Variants in EDDM13 observed in about 807,000 individuals in gnomAD.
EDDM13 encodes the protein epididymal protein 13.
Under a neutral mutation model 17.8 loss-of-function variants are expected in EDDM13, and 24 were observed. The observed-to-expected ratio is 1.35, with a 90% CI of 0.98 to 1.90. EDDM13 has a LOEUF of 1.90. EDDM13 is among the 40% of genes most tolerant of loss of function. The pLI is 0.00. For synonymous variants in EDDM13, 31 were observed against 37.5 expected (o/e 0.83, Z 0.63); for missense variants, 97 against 100.8 (o/e 0.96, Z 0.16).
intron 9 of EDDM13, chr19:56,295,232 G>C (rs1453433746): frequency 6.6e-6 from 1 of 152,118 alleles, no homozygotes; most frequent in African/African-American, 2.4e-5. Flanking sequence ...AAACAACAAC[G>C]GGTGGTGGGA....
chr19:56,288,700 C>A (rs1487471510), intron 7 of EDDM13, among the ~76,000 whole-genome samples, 174 bp from the exon 8 acceptor site: 1 of 152,144 alleles, frequency 6.6e-6, no homozygotes, highest in Non-Finnish European at 1.5e-5. Context: ...TGTCTTCACC[C>A]GTAAAATGAG....
chr19:56,275,192 G>T (rs1190732345), intron 1 of EDDM13, among the ~76,000 whole-genome samples: 2 of 152,098 alleles, frequency 1.3e-5, no homozygotes, highest in Admixed American at 6.5e-5. Flanking sequence ...AATACGCTGG[G>T]GGAGAAATTT....
intron 1 of EDDM13, among the ~76,000 whole-genome samples, chr19:56,273,959 C>T (rs181876173): frequency 6.6e-6 from 1 of 152,190 alleles, no homozygotes; most frequent in African/African-American, 2.4e-5. Flanking sequence ...GGGGCAAACA[C>T]ACAAGTTAGA....
intron 2 of EDDM13, among the ~76,000 whole-genome samples, chr19:56,277,597 C>T (rs775379998): frequency 6.6e-6 from 1 of 152,034 alleles, no homozygotes; most frequent in Admixed American, 6.6e-5. Flanking sequence ...GTGATTAAAG[C>T]CTCTAAAACT....
intron 13 of EDDM13, among the ~76,000 whole-genome samples, chr19:56,302,655 CTCCCTGTT>C (rs2040416986): frequency 6.9e-5 from 9 of 131,240 alleles, no homozygotes; most frequent in South Asian, 2.9e-4. Flanking sequence ...TCTTCCCCCC[CTCCCTGTT>C]CTTTCCTTCC....
intron 11 of EDDM13, 60 bp from the exon 12 acceptor site, chr19:56,297,445 T>G (rs928661969): frequency 2.7e-6 from 2 of 741,424 alleles, no homozygotes; most frequent in Admixed American, 6.3e-5. Flanking sequence ...CTCCCTTTCT[T>G]CCTTTCCTCT....
rs181287879 is a variant in EDDM13, at chr19:56,296,340, G to A, written c.246G>A (p.Leu82=). The A allele has an allele frequency of 1.3e-5, 2 of 152,322 alleles. No homozygotes were observed. Among genetic ancestry groups the A allele is most frequent in the East Asian group, 3.9e-4 (2 of 5,172 alleles). 9.4% of individuals were successfully genotyped at this position (152,322 alleles called of 1,614,324 possible). A position where few individuals can be genotyped will look rare whatever the true frequency, so the allele number is the denominator to read the frequency against. The stretch of plus-strand genomic sequence containing the variant: ...GTATGCCCCTGTCCTCCTTAGGCTT[G>A]CTGAGCCTCCAAGTACTGCATGGTA... ...TEEEIKKILG[L]LSLQVLHEET... is the part of the protein sequence containing the mutation. The change falls in exon 11 of 15, where the codon TTG becomes TTA. Residue 82 remains leucine (L), a synonymous_variant. Transcript: ENST00000649256.
intron 13 of EDDM13, among the ~76,000 whole-genome samples, chr19:56,302,621 C>CCCCGTT (rs2040407172): frequency 1.6e-5 from 2 of 125,568 alleles, no homozygotes; most frequent in South Asian, 3.1e-4. Context: ...CCCTCTTCCT[C>CCCCGTT]CCTCCCTCCT....
At chr19:56,302,551 C>G (rs1395932979) in intron 13 of EDDM13, among the ~76,000 whole-genome samples, 1 of 40,016 alleles carries the variant, frequency 2.5e-5, no homozygotes, top group Non-Finnish European at 8.0e-5. Flanking sequence ...CCCCGTTCCT[C>G]CCTCCCTCCC....
intron 3 of EDDM13, 118 bp from the exon 4 acceptor site, chr19:56,282,373 G>A (rs2038779208): frequency 1.1e-5 from 5 of 453,276 alleles, no homozygotes; most frequent in Non-Finnish European, 1.5e-5. Flanking sequence ...CCTATGGGGT[G>A]CAATGAGGTA....
chr19:56,275,010 G>A (rs1202817104), intron 1 of EDDM13: 2 of 152,052 alleles, frequency 1.3e-5, no homozygotes, highest in African/African-American at 4.8e-5. Flanking sequence ...ATGCATTTAG[G>A]GCAGGAATAC....
intron 13 of EDDM13, among the ~76,000 whole-genome samples, chr19:56,304,223 C>G (rs1238293067): frequency 6.6e-6 from 1 of 152,126 alleles, no homozygotes; most frequent in African/African-American, 2.4e-5. Flanking sequence ...GAGATGAGAG[C>G]CGTGCAGCAG....
chr19:56,283,393 T>C (rs958913575), intron 4 of EDDM13: 2 of 152,128 alleles, frequency 1.3e-5, no homozygotes, highest in African/African-American at 4.8e-5. Flanking sequence ...CAGGAAACAA[T>C]ATCTCCATTT....
At chr19:56,277,787 C>A (rs1310469018) in intron 2 of EDDM13, among the ~76,000 whole-genome samples, 2 of 152,070 alleles carry the variant, frequency 1.3e-5, no homozygotes, top group Middle Eastern at 3.2e-3. Context: ...GGGATGAAAA[C>A]TACCTTTTGG....
intron 9 of EDDM13, chr19:56,295,253 C>T (rs1212743045): frequency 2.0e-5 from 3 of 152,018 alleles, no homozygotes; most frequent in Admixed American, 6.6e-5. Context: ...TGGAATGTGC[C>T]ACCCCTGGAT....
At chr19:56,296,547 T>G (rs2039888701) in intron 11 of EDDM13, 185 bp downstream of exon 11, 1 of 152,042 alleles carries the variant, frequency 6.6e-6, no homozygotes, top group South Asian at 2.1e-4. Flanking sequence ...TGATGTTAGC[T>G]CTCCTGTACC....
At chr19:56,295,815 C>T (rs866201224) in intron 9 of EDDM13, 144 bp from the exon 10 acceptor site, 6 of 153,248 alleles carry the variant, frequency 3.9e-5, no homozygotes, top group African/African-American at 9.7e-5. Flanking sequence ...GTGCTCCCAT[C>T]GCTCTGTCTT....
chr19:56,310,381 A>C lies in EDDM13; in HGVS notation c.*233A>C, dbSNP rs1015710182. The C allele has an allele frequency of 1.3e-5, 2 of 152,270 alleles. No individual in the cohort carries two copies. The highest frequency in any genetic ancestry group is 2.9e-5 in the Non-Finnish European group (2 of 68,062). The allele number at this position is 152,270 out of a possible 1,614,324, so 9.4% of individuals were successfully genotyped here. A position where few individuals can be genotyped will look rare whatever the true frequency, so the allele number is the denominator to read the frequency against. On this transcript the variant is annotated 3_prime_UTR_variant, in exon 15 of 15. Coordinates refer to ENST00000649256, the MANE Select transcript of EDDM13 (RefSeq NM_001354658.2). ...GAGAGCAACTGCAGGAGTTTCCCCT[A>C]AAATCTCTCCTCCAGATCGTTCTCG...
At chr19:56,291,054 G>A (rs898352280) in intron 9 of EDDM13, among the ~76,000 whole-genome samples, 2 of 152,186 alleles carry the variant, frequency 1.3e-5, no homozygotes, top group Non-Finnish European at 2.9e-5. Context: ...GTGAGGGTGT[G>A]TCTGGGATAC....
Sources: gnomAD v4.1 joint callset for allele counts (sites outside exome capture counted in the v4.1 genomes callset) on GRCh38, gnomAD v4.1.1 for gene constraint, MANE v1.5 for transcripts, NCBI Gene and HGNC (gene_info 2026-07-23, HGNC 2026-07-21) for gene names.